The following WDR75 variants were observed in gnomAD, a reference collection of about 807,000 sequenced individuals.
WDR75 encodes WD repeat-containing protein 75.
In WDR75, 52 loss-of-function variants were observed where a neutral mutation model predicts 106.1. The ratio of observed to expected loss-of-function variants is 0.49; its 90% CI spans 0.39 to 0.62. WDR75 has a LOEUF of 0.62. Ranked by LOEUF, WDR75 falls within the 20% of genes least tolerant of loss-of-function variation. The probability of loss-of-function intolerance (pLI) is 0.00; values close to 1 mark genes in which losing one functional copy is unlikely to be tolerated. For missense variants in WDR75, 905 were observed against 970.3 expected (o/e 0.93, Z 0.89); for synonymous variants, 333 against 335.5 (o/e 0.99, Z 0.08).
chr2:189,456,919 G>C (rs1318237870), intron 5 of WDR75, among the ~76,000 whole-genome samples: 4 of 152,106 alleles, frequency 2.6e-5, no homozygotes. Flanking sequence ...CAAAGTTACT[G>C]TTAACTTTTG....
Position 189,463,731 on chromosome 2 carries a change from A to C in WDR75, c.975A>C (p.Ala325=), listed in dbSNP as rs768601998. The change falls in exon 10 of 21, where the codon GCA becomes GCC. Residue 325 remains alanine (A), a synonymous_variant. Transcript: ENST00000314761. The stretch of plus-strand genomic sequence containing the variant: ...TTCACCGAAACCTTGAAGCATCCGC[A>C]GTAATTCAAGGCCTAGTGAAAGGTA... ...IIIHRNLEAS[A]VIQGLVKDRS... 6.2e-6 allele frequency: 10 copies of C among 1,613,906 alleles called. No homozygotes were observed. The highest frequency in any genetic ancestry group is 2.2e-5 in the East Asian group (1 of 44,870).
chr2:189,441,773 G>C (rs776912841), intron 1 of WDR75, among the ~76,000 whole-genome samples, 195 bp downstream of exon 1: 3 of 152,172 alleles, frequency 2.0e-5, no homozygotes, highest in Non-Finnish European at 2.9e-5. Flanking sequence ...TGCGTCCCCC[G>C]ATTCCTGGAC....
chr2:189,465,019 T>C, intron 11 of WDR75, 60 bp from the exon 12 acceptor site: 2 of 1,235,210 alleles, frequency 1.6e-6, no homozygotes, highest in Non-Finnish European at 2.3e-6. Flanking sequence ...TTGAATGCTG[T>C]AACATTTGTG....
At chr2:189,469,937 G>C in intron 16 of WDR75, 139 bp from the exon 17 acceptor site, 2 of 727,350 alleles carry the variant, frequency 2.7e-6, no homozygotes, top group Non-Finnish European at 4.6e-6. Flanking sequence ...GATACCTCTT[G>C]AATCAAAGCC....
At chr2:189,459,192 T>A in intron 7 of WDR75, 144 bp from the exon 8 acceptor site, 1 of 642,848 alleles carries the variant, frequency 1.6e-6, no homozygotes, top group Non-Finnish European at 2.5e-6. Context: ...TGGTTAGAAA[T>A]AGAAAATGTG....
Position 189,455,374 on chromosome 2 carries a change from A to T in WDR75, c.428A>T (p.Glu143Val). 6.2e-7 allele frequency: 1 copy of T among 1,614,172 alleles called. No homozygotes were observed. Among genetic ancestry groups the T allele is most frequent in the Non-Finnish European group, 8.5e-7 (1 of 1,179,998 alleles). ...CCAAAATCCTCAAGCCAGGAAGTAG[A>T]AGCCAAGGAGCTGTCCTTTGTTTTG... is the stretch of plus-strand genomic sequence containing the variant. ...KLPKSSSQEV[E>V]AKELSFVLDY... Residue 143 changes from glutamate to valine, a missense_variant, in exon 5 of 21, where the codon GAA becomes GTA. Physicochemically the swap from Glu to Val is moderately radical, Grantham distance 121. Coordinates refer to ENST00000314761, the MANE Select transcript of WDR75 (RefSeq NM_032168.3).
intron 19 of WDR75, 48 bp downstream of exon 19, chr2:189,474,380 C>A: frequency 6.4e-7 from 1 of 1,562,912 alleles, no homozygotes; most frequent in South Asian, 1.2e-5. Flanking sequence ...GCACTTAAAG[C>A]ACCTGAAGTT....
At chr2:189,470,781 A>G (rs1281944425) in intron 17 of WDR75, 38 bp from the exon 18 acceptor site, 3 of 1,525,116 alleles carry the variant, frequency 2.0e-6, no homozygotes, top group South Asian at 2.5e-5. Flanking sequence ...TTTGCACTCT[A>G]CAGTTTGTCT....
At chr2:189,470,371 T>A in intron 17 of WDR75, 126 bp downstream of exon 17, 1 of 1,018,010 alleles carries the variant, frequency 9.8e-7, no homozygotes, top group South Asian at 1.6e-5. Flanking sequence ...TCCCAAAAAA[T>A]TGTCTAATAT....
Position 189,450,171 on chromosome 2 carries a change from T to C in WDR75, c.217-732T>C, listed in dbSNP as rs1686586925. 8.2e-6 allele frequency: 8 copies of C among 975,362 alleles called. No homozygotes were observed. In the South Asian group the frequency reaches 2.8e-4, roughly 35 times the overall value. The allele number at this position is 975,362 out of a possible 1,614,324, so 60.4% of individuals were successfully genotyped here. On this transcript the variant is annotated intron_variant, in intron 2 of 20. Coordinates refer to ENST00000314761, the MANE Select transcript of WDR75 (RefSeq NM_032168.3). ...AAGCATATTATAATTTCTATTGTAT[T>C]TTATGAAAGTATTGGTCCTTGATGG... is the stretch of plus-strand genomic sequence containing the variant.
At chr2:189,454,220 T>C (rs545369367) in intron 4 of WDR75, among the ~76,000 whole-genome samples, 1 of 152,264 alleles carries the variant, frequency 6.6e-6, no homozygotes, top group South Asian at 2.1e-4. Context: ...CAGTGGAGAA[T>C]AGATTATATT....
chr2:189,470,779 C>G (rs752791258), intron 17 of WDR75, 40 bp from the exon 18 acceptor site: 5 of 1,517,892 alleles, frequency 3.3e-6, no homozygotes, highest in Non-Finnish European at 4.5e-6. Flanking sequence ...GATTTGCACT[C>G]TACAGTTTGT....
At chr2:189,469,233 A>G (rs1288951640) in intron 15 of WDR75, 111 bp from the exon 16 acceptor site, 7 of 793,292 alleles carry the variant, frequency 8.8e-6, no homozygotes, top group Admixed American at 2.1e-5. Flanking sequence ...GTGTGTCTCC[A>G]TGTGTGTTAG....
intron 1 of WDR75, among the ~76,000 whole-genome samples, chr2:189,447,850 A>G (rs1238860108): frequency 2.0e-5 from 3 of 152,124 alleles, no homozygotes; most frequent in African/African-American, 7.2e-5. Flanking sequence ...CCTACTACCT[A>G]TTGAGTATGT....
intron 12 of WDR75, 41 bp downstream of exon 12, chr2:189,465,295 A>G (rs1409954506): frequency 9.8e-6 from 15 of 1,526,924 alleles, no homozygotes; most frequent in Non-Finnish European, 1.3e-5. Context: ...AAAGTATAAA[A>G]TATTTCACTT....
chr2:189,461,031 A>G (rs1018914023), intron 8 of WDR75, among the ~76,000 whole-genome samples: 1 of 152,136 alleles, frequency 6.6e-6, no homozygotes, highest in Non-Finnish European at 1.5e-5. Flanking sequence ...ACAATGTATC[A>G]TATATGTGTA....
intron 1 of WDR75, among the ~76,000 whole-genome samples, chr2:189,446,842 A>G (rs1438286686): frequency 6.6e-6 from 1 of 152,244 alleles, no homozygotes; most frequent in African/African-American, 2.4e-5. Flanking sequence ...AATTATAACA[A>G]TATGTCAGCA....
intron 1 of WDR75, among the ~76,000 whole-genome samples, chr2:189,442,905 G>A (rs1686415028): frequency 6.6e-6 from 1 of 152,182 alleles, no homozygotes; most frequent in South Asian, 2.1e-4. Flanking sequence ...GAAGAAACAG[G>A]CTTTAAGAGG....
At position 189,463,725 on chromosome 2, in the gene WDR75, A is replaced by C; in HGVS notation, c.969A>C (p.Ala323=). The C allele has an allele frequency of 6.2e-7, 1 of 1,613,860 alleles. No individual in the cohort carries two copies. The highest frequency in any genetic ancestry group is 1.3e-5 in the African/African-American group (1 of 75,026). The change falls in exon 10 of 21, where the codon GCA becomes GCC. Residue 323 remains alanine (A), a synonymous_variant. Coordinates refer to ENST00000314761, the MANE Select transcript of WDR75 (RefSeq NM_032168.3). ...TAATTATTCACCGAAACCTTGAAGC[A>C]TCCGCAGTAATTCAAGGCCTAGTGA... ...KIIIIHRNLE[A]SAVIQGLVKD... is the part of the protein sequence containing the mutation.
Sources: allele counts gnomAD v4.1 joint callset (sites outside exome capture counted in the v4.1 genomes callset), GRCh38; gene constraint gnomAD v4.1.1; transcripts MANE v1.5; gene names NCBI Gene and HGNC (gene_info 2026-07-23, HGNC 2026-07-21).